Variants in SDK1 observed in about 807,000 individuals in gnomAD.
SDK1 encodes the protein protein sidekick-1.
SDK1 carries 157 observed loss-of-function variants against 245.5 expected under a neutral mutation model. The ratio of observed to expected loss-of-function variants is 0.64; its 90% confidence interval spans 0.56 to 0.73. The LOEUF (loss-of-function observed/expected upper bound fraction) is 0.73. SDK1 is among the 30% of genes least tolerant of loss of function. The probability of loss-of-function intolerance (pLI) is 0.00; values close to 1 mark genes in which losing one functional copy is unlikely to be tolerated. For synonymous variants in SDK1, 1,647 were observed against 1,278.5 expected, an observed-to-expected ratio of 1.29 and a Z score of -6.15; for missense variants, 3,583 against 3,002.3, an observed-to-expected ratio of 1.19 and a Z score of -4.52.
chr7:4,237,659 C>A lies in SDK1; in HGVS notation c.6005C>A (p.Ala2002Asp). The stretch of plus-strand genomic sequence containing the variant: ...GTCTTTTCCACAGCTCAAGTGGAAG[C>A]CCCATTCTACGAGGAGTGGTGGTTC... ...PSTAVSAQVE[A>D]PFYEEWWFLL... The change falls in exon 42 of 45, where the codon GCC becomes GAC. Residue 2002 changes from alanine (A) to aspartate (D), a missense_variant. Transcript: ENST00000404826. 6.2e-7 allele frequency: 1 copy of A among 1,614,108 alleles called. No individual in the cohort carries two copies.
chr7:3,440,002 T>C lies in SDK1; in HGVS notation c.298+138118T>C, dbSNP rs184008112. Among the ~76,000 whole-genome samples, 35 of 152,316 alleles carry C rather than the reference T, an allele frequency of 2.3e-4. 1 individual carries two copies. The East Asian group carries it at 6.4e-3, about 28-fold the overall frequency. The stretch of plus-strand genomic sequence containing the variant: ...TAGTAAATGGGAAATATTTAAGATA[T>C]ATAATTTGATATGCTTTGACATATT... On this transcript the variant is annotated intron_variant, in intron 1 of 44. Coordinates refer to ENST00000404826, the MANE Select transcript of SDK1 (RefSeq NM_152744.4).
At chr7:3,604,013 T>G (rs1334080274) in intron 1 of SDK1, among the ~76,000 whole-genome samples, 1 of 152,240 alleles carries the variant, frequency 6.6e-6, no homozygotes, top group Non-Finnish European at 1.5e-5. Context: ...GAACCAGCCT[T>G]GCATCCCAGG....
At chr7:3,579,828 G>C (rs1780423953) in intron 1 of SDK1, among the ~76,000 whole-genome samples, 2 of 152,180 alleles carry the variant, frequency 1.3e-5, no homozygotes, top group African/African-American at 4.8e-5. Flanking sequence ...TTTGTTTGCA[G>C]GTGACATGAT....
chr7:3,398,015 G>A (rs910240849), intron 1 of SDK1, among the ~76,000 whole-genome samples: 2 of 152,120 alleles, frequency 1.3e-5, no homozygotes, highest in African/African-American at 4.8e-5. Context: ...GTACTGAGTA[G>A]CAGGAACTGA....
At chr7:3,603,130 T>C (rs968714888) in intron 1 of SDK1, among the ~76,000 whole-genome samples, 2 of 148,954 alleles carry the variant, frequency 1.3e-5, no homozygotes, top group African/African-American at 2.5e-5. Flanking sequence ...CCTCCAGCTT[T>C]GTTCTTTTGG....
intron 1 of SDK1, among the ~76,000 whole-genome samples, chr7:3,614,821 A>C (rs1378707825): frequency 3.5e-5 from 5 of 143,938 alleles, no homozygotes; most frequent in Non-Finnish European, 4.8e-5. Context: ...TCTCCTTATA[A>C]TGAATGTTAG....
At chr7:3,633,775 G>C (rs920231497) in intron 2 of SDK1, among the ~76,000 whole-genome samples, 97 of 152,144 alleles carry the variant, frequency 6.4e-4, no homozygotes, top group African/African-American at 2.3e-3. Flanking sequence ...ACTTTCTCTT[G>C]TGTGAGCTGT....
intron 1 of SDK1, among the ~76,000 whole-genome samples, chr7:3,545,954 C>G (rs187547823): frequency 6.6e-6 from 1 of 152,158 alleles, no homozygotes; most frequent in Non-Finnish European, 1.5e-5. Flanking sequence ...TCAGTATAAC[C>G]TCGTCATTGA....
At chr7:4,023,065 C>T (rs940246912) in intron 17 of SDK1, among the ~76,000 whole-genome samples, 1 of 152,160 alleles carries the variant, frequency 6.6e-6, no homozygotes, top group African/African-American at 2.4e-5. Context: ...TGAGCCAACA[C>T]GCCCGGCCCT....
intron 1 of SDK1, among the ~76,000 whole-genome samples, chr7:3,486,050 ACT>A (rs1781684626): frequency 6.7e-6 from 1 of 149,994 alleles, no homozygotes; most frequent in Admixed American, 6.6e-5. Flanking sequence ...GATCTGAAAA[ACT>A]CTTCATTAAA....
chr7:3,578,216 T>A (rs1252276950), intron 1 of SDK1, among the ~76,000 whole-genome samples: 1 of 152,016 alleles, frequency 6.6e-6, no homozygotes, highest in African/African-American at 2.4e-5. Flanking sequence ...GGTAGGACCA[T>A]GATGCCCACC....
intron 1 of SDK1, among the ~76,000 whole-genome samples, chr7:3,522,399 C>G (rs1316090866): frequency 1.3e-5 from 2 of 152,152 alleles, no homozygotes; most frequent in African/African-American, 4.8e-5. Flanking sequence ...GGAGACAATG[C>G]CCAATCACTG....
chr7:4,264,670 A>G (rs1162080595), intron 44 of SDK1, among the ~76,000 whole-genome samples: 2 of 137,146 alleles, frequency 1.5e-5, no homozygotes, highest in Non-Finnish European at 3.2e-5. Flanking sequence ...CTCCTGAGTG[A>G]GGGAGGCTGC....
chr7:3,317,993 C>T (rs1251232188), intron 1 of SDK1, among the ~76,000 whole-genome samples: 1 of 152,086 alleles, frequency 6.6e-6, no homozygotes, highest in African/African-American at 2.4e-5. Flanking sequence ...TCCTCAGCCC[C>T]CTAGTTCCCC....
intron 44 of SDK1, among the ~76,000 whole-genome samples, chr7:4,259,936 TG>T (rs1436232261): frequency 6.6e-6 from 1 of 152,156 alleles, no homozygotes; most frequent in Non-Finnish European, 1.5e-5. Context: ...ATTCATAAAG[TG>T]GGAATTGTAA....
chr7:4,120,417 GA>G (rs1450057772), intron 25 of SDK1, among the ~76,000 whole-genome samples: 1 of 148,794 alleles, frequency 6.7e-6, no homozygotes, highest in African/African-American at 2.5e-5. Context: ...TGACTGAGGT[GA>G]CTATTCAGGA....
chr7:4,234,846 G>A (rs1786047777), intron 41 of SDK1, among the ~76,000 whole-genome samples: 1 of 152,220 alleles, frequency 6.6e-6, no homozygotes, highest in Non-Finnish European at 1.5e-5. Context: ...TCAGCAGCAT[G>A]AAGGGCAGGG....
At chr7:4,069,608 G>T (rs546279400) in intron 20 of SDK1, among the ~76,000 whole-genome samples, 11 of 152,346 alleles carry the variant, frequency 7.2e-5, no homozygotes, top group Admixed American at 3.9e-4. Context: ...GCAAGCTTAT[G>T]CTCTCTGGGT....
chr7:3,440,915 T>C (rs1780175304), intron 1 of SDK1, among the ~76,000 whole-genome samples: 1 of 152,196 alleles, frequency 6.6e-6, no homozygotes, highest in African/African-American at 2.4e-5. Context: ...TGTGCCAGAA[T>C]CATTCAGCCT....
Sources: allele counts gnomAD v4.1 joint callset (sites outside exome capture counted in the v4.1 genomes callset), GRCh38; gene constraint gnomAD v4.1.1; transcripts MANE v1.5; gene names NCBI Gene and HGNC (gene_info 2026-07-23, HGNC 2026-07-21).